Variants in MCTP1 observed in about 807,000 individuals in gnomAD.
MCTP1 encodes the protein multiple C2 and transmembrane domain containing 1, also known as multiple C2 and transmembrane domain-containing protein 1.
A neutral mutation model predicts 120.6 loss-of-function variants in MCTP1; 69 were observed. The observed-to-expected ratio is 0.57, with a 90% confidence interval of 0.47 to 0.70. The LOEUF (loss-of-function observed/expected upper bound fraction) is 0.70, where lower values mean the gene tolerates loss of function less well. Among genes scored for constraint, MCTP1 ranks in the 30% least tolerant of loss-of-function variants. MCTP1 has a pLI of 0.00. For synonymous variants in MCTP1, 529 were observed against 493.1 expected (o/e 1.07, Z -0.96); for missense variants, 1,203 against 1,248.8 (o/e 0.96, Z 0.55).
intron 18 of MCTP1, chr5:94,789,519 A>G (rs1473157214): frequency 2.0e-5 from 3 of 152,246 alleles, no homozygotes; most frequent in Non-Finnish European, 1.5e-5. Flanking sequence ...ATAGCCAATA[A>G]ACTCAAAAAG....
chr5:94,842,794 T>C (rs899044572), intron 17 of MCTP1, among the ~76,000 whole-genome samples: 1 of 152,148 alleles, frequency 6.6e-6, no homozygotes, highest in Non-Finnish European at 1.5e-5. Context: ...AGAAATAATA[T>C]AGAAAAGACC....
chr5:95,061,553 AGCCTCC>A lies in MCTP1; in HGVS notation c.721-44075_721-44070del, dbSNP rs769633525. Among the ~76,000 whole-genome samples the A allele has an allele frequency of 5.2e-4, 77 of 147,556 alleles. No individual in the cohort carries two copies. The East Asian group carries it at 7.8e-3, about 15-fold the overall frequency. ...CGGGTTCACGCCATTCTCCTGCCTC[AGCCTCC>A]AAAGTAGCTGGGACTACAGGCGCCC... On this transcript the variant is annotated intron_variant, in intron 1 of 22. Coordinates refer to ENST00000515393, the MANE Select transcript of MCTP1 (RefSeq NM_024717.7).
At chr5:95,187,924 A>G (rs1382029584) in intron 1 of MCTP1, among the ~76,000 whole-genome samples, 1 of 152,240 alleles carries the variant, frequency 6.6e-6, no homozygotes, top group Non-Finnish European at 1.5e-5. Flanking sequence ...TAGATATCCC[A>G]TTCTCCATGA....
chr5:95,079,338 A>G (rs2152308699), intron 1 of MCTP1, among the ~76,000 whole-genome samples: 1 of 152,234 alleles, frequency 6.6e-6, no homozygotes, highest in African/African-American at 2.4e-5. Context: ...AGATAGAAAA[A>G]CAAAATCAAA....
At chr5:94,806,362 G>A (rs1271940229) in intron 17 of MCTP1, among the ~76,000 whole-genome samples, 1 of 152,118 alleles carries the variant, frequency 6.6e-6, no homozygotes, top group Non-Finnish European at 1.5e-5. Flanking sequence ...GTGAAGGTGG[G>A]GCAAGGCTTT....
chr5:94,803,512 G>A (rs1374457306), intron 17 of MCTP1, among the ~76,000 whole-genome samples: 1 of 152,208 alleles, frequency 6.6e-6, no homozygotes, highest in Non-Finnish European at 1.5e-5. Context: ...CGTCTGAAAA[G>A]TGAAAATGAT....
At chr5:95,028,968 G>A (rs1346396856) in intron 1 of MCTP1, among the ~76,000 whole-genome samples, 1 of 152,084 alleles carries the variant, frequency 6.6e-6, no homozygotes, top group Non-Finnish European at 1.5e-5. Flanking sequence ...AGACCAGCCT[G>A]ACCAACATGG....
At chr5:94,981,562 G>A (rs1167114412) in intron 2 of MCTP1, among the ~76,000 whole-genome samples, 1 of 152,114 alleles carries the variant, frequency 6.6e-6, no homozygotes, top group Non-Finnish European at 1.5e-5. Flanking sequence ...TTCTAGTGGA[G>A]GAAGACAGGC....
rs59281718 is a variant in MCTP1, at chr5:94,819,134, C to CA, written c.2437-20003_2437-20002insT. The stretch of plus-strand genomic sequence containing the variant: ...TTATTTATTTATTCATTCATTCATT[C>CA]TTTCATTCATTCGAGATGGAGTCTC... On this transcript the variant is annotated intron_variant, in intron 17 of 22. Coordinates refer to ENST00000515393, the MANE Select transcript of MCTP1 (RefSeq NM_024717.7). 2.7e-3 allele frequency among the ~76,000 whole-genome samples: 376 copies of CA among 141,644 alleles called. 3 individuals carry two copies. The highest frequency in any genetic ancestry group is 9.6e-3 in the African/African-American group (363 of 37,678). The allele number at this position is 141,644 out of a possible 152,430, so 92.9% of individuals were successfully genotyped here.
At chr5:95,255,095 G>A (rs1757745726) in intron 1 of MCTP1, among the ~76,000 whole-genome samples, 1 of 152,108 alleles carries the variant, frequency 6.6e-6, no homozygotes, top group Non-Finnish European at 1.5e-5. Context: ...TTTGAGTATG[G>A]TCATAAAAAT....
chr5:95,166,415 T>C (rs77109293), intron 1 of MCTP1, among the ~76,000 whole-genome samples: 4 of 152,278 alleles, frequency 2.6e-5, no homozygotes, highest in South Asian at 2.1e-4. Context: ...ACTTAAGAGA[T>C]AGAAGATTCT....
chr5:95,233,102 C>T (rs1445882737), intron 1 of MCTP1, among the ~76,000 whole-genome samples: 2 of 152,128 alleles, frequency 1.3e-5, no homozygotes, highest in African/African-American at 4.8e-5. Context: ...ACAACACAAC[C>T]TGACCTGACA....
chr5:94,740,115 T>A (rs764636870), intron 19 of MCTP1, among the ~76,000 whole-genome samples: 3 of 152,234 alleles, frequency 2.0e-5, no homozygotes, highest in Admixed American at 6.5e-5. Context: ...AAAAATAAAA[T>A]TCATGTTGAC....
rs79530281 is a variant in MCTP1, at chr5:95,258,925, G to A, written c.720+24931C>T. Among the ~76,000 whole-genome samples, 6 of 152,224 alleles carry A rather than the reference G, an allele frequency of 3.9e-5. No homozygotes were observed. The South Asian group carries it at 6.2e-4, about 16-fold the overall frequency. ...ATGGGTAGAGTGTCCATCAGATCCC[G>A]CCCCTAAGGCTGGTGACCTTGTAGC... On this transcript the variant is annotated intron_variant, in intron 1 of 22. Coordinates refer to ENST00000515393, the MANE Select transcript of MCTP1 (RefSeq NM_024717.7).
intron 1 of MCTP1, among the ~76,000 whole-genome samples, chr5:95,034,495 T>C (rs1358022123): frequency 1.3e-5 from 2 of 151,862 alleles, no homozygotes; most frequent in African/African-American, 2.4e-5. Context: ...ATTTGATAAA[T>C]AGTGCTGGGA....
intron 1 of MCTP1, chr5:95,154,402 T>C (rs1376161589): frequency 2.0e-5 from 3 of 151,738 alleles, no homozygotes; most frequent in African/African-American, 7.3e-5. Context: ...TACTATATGT[T>C]AAATCCCTTG....
intron 1 of MCTP1, among the ~76,000 whole-genome samples, chr5:95,244,397 A>G (rs1211730411): frequency 6.6e-6 from 1 of 152,200 alleles, no homozygotes. Context: ...CGGGAAGCAC[A>G]AGGGGTGGGG....
chr5:94,845,705 C>G (rs1410480967), intron 17 of MCTP1, among the ~76,000 whole-genome samples: 1 of 152,056 alleles, frequency 6.6e-6, no homozygotes, highest in Non-Finnish European at 1.5e-5. Flanking sequence ...TACGCACCAC[C>G]ATGCCCAGCT....
chr5:94,937,292 T>C (rs567717613), intron 5 of MCTP1, among the ~76,000 whole-genome samples: 1 of 152,174 alleles, frequency 6.6e-6, no homozygotes, highest in South Asian at 2.1e-4. Context: ...CTTTTTGAGA[T>C]GAAAAATACC....
Sources: allele counts gnomAD v4.1 joint callset (sites outside exome capture counted in the v4.1 genomes callset), GRCh38; gene constraint gnomAD v4.1.1; transcripts MANE v1.5; gene names NCBI Gene and HGNC (gene_info 2026-07-23, HGNC 2026-07-21).